SENP5: variants seen among roughly 807,000 people sequenced by gnomAD.
SENP5 encodes sentrin-specific protease 5.
A neutral mutation model predicts 74.2 loss-of-function variants in SENP5; 21 were observed. The ratio of observed to expected loss-of-function variants is 0.28; its 90% CI spans 0.20 to 0.41. SENP5 has a LOEUF of 0.41. SENP5 is among the 10% of genes least tolerant of loss of function. The probability of loss-of-function intolerance (pLI) is 1.00; values close to 1 mark genes in which losing one functional copy is unlikely to be tolerated. For missense variants in SENP5, 717 were observed against 889.1 expected, an observed-to-expected ratio of 0.81 and a Z score of 2.46; for synonymous variants, 311 against 312.7, an observed-to-expected ratio of 0.99 and a Z score of 0.06.
chr3:196,899,803 A>G, intron 3 of SENP5, 32 bp downstream of exon 3: 1 of 1,558,084 alleles, frequency 6.4e-7, no homozygotes, highest in Admixed American at 1.8e-5. Context: ...TAAGCCCTTG[A>G]AAATAAAATT....
Position 196,893,927 on chromosome 3 carries a change from AT to A in SENP5, c.1514-5736del, listed in dbSNP as rs1714323588. Among the ~76,000 whole-genome samples, 2 of 149,322 alleles carry A rather than the reference AT, an allele frequency of 1.3e-5. 1 individual carries two copies. The highest frequency in any genetic ancestry group is 4.3e-4 in the South Asian group (2 of 4,702). On this transcript the variant is annotated intron_variant, in intron 2 of 9. Coordinates refer to ENST00000323460, the MANE Select transcript of SENP5 (RefSeq NM_152699.5). ...TCTGTCTCAAAAAAAAAAAAAAAAA[AT>A]TTAGTGTGTTTAAGAAATACATGTT...
At chr3:196,881,903 T>G (rs577139985) in intron 1 of SENP5, among the ~76,000 whole-genome samples, 2 of 149,190 alleles carry the variant, frequency 1.3e-5, no homozygotes, top group Admixed American at 6.7e-5. Flanking sequence ...TTAGTTTTTT[T>G]TTTTTTTTTT....
At position 196,899,968 on chromosome 3, in the gene SENP5, A is replaced by G. The variant is rs1473230823; in HGVS notation, c.1664A>G (p.His555Arg). 1 of 1,614,060 alleles carries G rather than the reference A, an allele frequency of 6.2e-7. No homozygotes were observed. Among genetic ancestry groups the G allele is most frequent in the Admixed American group, 1.7e-5 (1 of 59,996 alleles). ...GAAATAACAAACTATCGGGCCAGAC[A>G]TCAAAAATGTAACTTCCGTATCTTC... ...NREITNYRAR[H>R]QKCNFRIFYN... Residue 555 changes from histidine (H) to arginine (R), a missense_variant, in exon 4 of 10, where the codon CAT (histidine) becomes CGT (arginine). By Grantham distance (29) the His-to-Arg change is conservative. Transcript: ENST00000323460.
At chr3:196,869,637 G>C (rs1310829429) in intron 1 of SENP5, among the ~76,000 whole-genome samples, 2 of 151,004 alleles carry the variant, frequency 1.3e-5, no homozygotes, top group Non-Finnish European at 2.9e-5. Flanking sequence ...GCGCATGCCT[G>C]TAATCCCAGC....
At chr3:196,895,477 C>T (rs566884329) in intron 2 of SENP5, among the ~76,000 whole-genome samples, 45 of 151,212 alleles carry the variant, frequency 3.0e-4, no homozygotes, top group African/African-American at 6.1e-4. Flanking sequence ...TAAGCCACCG[C>T]GCCCGGCCTT....
chr3:196,877,186 T>G (rs1713514987), intron 1 of SENP5, among the ~76,000 whole-genome samples: 1 of 152,046 alleles, frequency 6.6e-6, no homozygotes, highest in African/African-American at 2.4e-5. Flanking sequence ...AATTTTTAAT[T>G]TTAAATATTT....
At chr3:196,916,711 G>C (rs145019932) in intron 6 of SENP5, among the ~76,000 whole-genome samples, 102 of 152,048 alleles carry the variant, frequency 6.7e-4, no homozygotes, top group African/African-American at 2.2e-3. Context: ...ATTTTTAGTA[G>C]AGACAGGGTT....
chr3:196,909,866 C>G (rs1715050652), intron 6 of SENP5, among the ~76,000 whole-genome samples: 1 of 152,154 alleles, frequency 6.6e-6, no homozygotes. Flanking sequence ...CCTCTCCCAT[C>G]ACTTCTATTC....
At chr3:196,908,952 C>G (rs6807595) in intron 6 of SENP5, among the ~76,000 whole-genome samples, 3,462 of 152,060 alleles carry the variant, frequency 0.023, 135 homozygotes, top group African/African-American at 0.078. Context: ...CAAAAAAACC[C>G]TTCAAAAAAT....
intron 6 of SENP5, among the ~76,000 whole-genome samples, chr3:196,903,920 T>A (rs1043457761): frequency 3.9e-5 from 6 of 152,222 alleles, no homozygotes; most frequent in Non-Finnish European, 1.5e-5. Context: ...GCACGGTGCC[T>A]CGCACCTGTT....
intron 2 of SENP5, among the ~76,000 whole-genome samples, chr3:196,898,853 A>G (rs1199379795): frequency 6.6e-6 from 1 of 151,738 alleles, no homozygotes; most frequent in Non-Finnish European, 1.5e-5. Flanking sequence ...TGACGATTCC[A>G]TTCAATTCCG....
At chr3:196,875,480 G>A (rs1327475121) in intron 1 of SENP5, among the ~76,000 whole-genome samples, 1 of 152,128 alleles carries the variant, frequency 6.6e-6, no homozygotes, top group Non-Finnish European at 1.5e-5. Flanking sequence ...CTTATGTTAA[G>A]TGTCAGCATC....
intron 7 of SENP5, among the ~76,000 whole-genome samples, chr3:196,926,714 T>A (rs915438951): frequency 6.8e-6 from 1 of 148,118 alleles, no homozygotes; most frequent in Non-Finnish European, 1.5e-5. Context: ...TCTTGGCTCA[T>A]GGCAACCTCC....
rs371560546 is a variant in SENP5, at chr3:196,930,764, C to T, written c.2158-49C>T. 17 of 1,170,816 alleles carry T rather than the reference C, an allele frequency of 1.5e-5. No individual in the cohort carries two copies. The African/African-American group carries it at 2.4e-4, about 17-fold the overall frequency. The allele number at this position is 1,170,816 out of a possible 1,614,324, so 72.5% of individuals were successfully genotyped here. A position where few individuals can be genotyped will look rare whatever the true frequency, so the allele number is the denominator to read the frequency against. On this transcript the variant is annotated intron_variant, in intron 9 of 9. Transcript: ENST00000323460. The stretch of plus-strand genomic sequence containing the variant: ...TTTAGTAAAACAGAATGGGCTGGTC[C>T]ACAACTCCAAGTGCCACTGAAGTGT...
intron 1 of SENP5, among the ~76,000 whole-genome samples, chr3:196,876,530 A>G (rs936314990): frequency 2.6e-5 from 4 of 151,120 alleles, no homozygotes; most frequent in Non-Finnish European, 5.9e-5. Flanking sequence ...AAAAAAAAAA[A>G]AAAAGAAAAG....
intron 6 of SENP5, among the ~76,000 whole-genome samples, chr3:196,907,251 A>C (rs1714939690): frequency 6.6e-6 from 1 of 152,034 alleles, no homozygotes; most frequent in Non-Finnish European, 1.5e-5. Context: ...AGGCAGGCGG[A>C]TCACGAGGTC....
intron 1 of SENP5, among the ~76,000 whole-genome samples, chr3:196,882,804 C>T (rs946801300): frequency 2.0e-5 from 3 of 152,140 alleles, no homozygotes; most frequent in South Asian, 2.1e-4. Flanking sequence ...ATGCCCAGCC[C>T]GTCTAGTTGT....
chr3:196,880,461 C>T lies in SENP5; in HGVS notation c.-31-4690C>T, dbSNP rs148073806. 3.6e-3 allele frequency among the ~76,000 whole-genome samples: 554 copies of T among 152,210 alleles called. 7 individuals are homozygous for T. The highest frequency in any genetic ancestry group is 0.024 in the Admixed American group (370 of 15,274). On this transcript the variant is annotated intron_variant, in intron 1 of 9. Coordinates refer to ENST00000323460, the MANE Select transcript of SENP5 (RefSeq NM_152699.5). The stretch of plus-strand genomic sequence containing the variant: ...AGAATACTGCTAACTGATCTGCACA[C>T]CTTATTCCAATTTTGTCAGTTGTCA...
At chr3:196,917,143 A>G (rs1715413657) in intron 6 of SENP5, among the ~76,000 whole-genome samples, 1 of 152,044 alleles carries the variant, frequency 6.6e-6, no homozygotes, top group Admixed American at 6.6e-5. Context: ...AAAACAAACA[A>G]ACCCCAACAA....
Sources: allele counts gnomAD v4.1 joint callset (sites outside exome capture counted in the v4.1 genomes callset), GRCh38; gene constraint gnomAD v4.1.1; transcripts MANE v1.5; gene names NCBI Gene and HGNC (gene_info 2026-07-23, HGNC 2026-07-21).